Variants in DSCAM observed in about 807,000 individuals in gnomAD.
DSCAM encodes cell adhesion molecule DSCAM.
In DSCAM, 47 loss-of-function variants were observed where a neutral mutation model predicts 217.7. That is an observed-to-expected ratio of 0.22 (90% CI 0.17 to 0.28). The LOEUF (loss-of-function observed/expected upper bound fraction) is 0.28. Ranked by LOEUF, DSCAM falls within the 10% of genes least tolerant of loss-of-function variation. The pLI is 1.00. For synonymous variants in DSCAM, 1,056 were observed against 1,015.3 expected (o/e 1.04, Z -0.76); for missense variants, 2,080 against 2,618.3 (o/e 0.79, Z 4.49).
At chr21:40,310,576 T>C (rs1297621654) in intron 9 of DSCAM, among the ~76,000 whole-genome samples, 2 of 152,250 alleles carry the variant, frequency 1.3e-5, no homozygotes, top group Non-Finnish European at 1.5e-5. Flanking sequence ...CTCATCTGAT[T>C]TTGCCTTGGT....
chr21:40,116,215 T>C (rs2089968786), intron 20 of DSCAM, among the ~76,000 whole-genome samples: 1 of 152,088 alleles, frequency 6.6e-6, no homozygotes, highest in Non-Finnish European at 1.5e-5. Context: ...CTAATGGGTA[T>C]TAGGATTAAT....
At chr21:40,356,056 A>C (rs1166375774) in intron 4 of DSCAM, among the ~76,000 whole-genome samples, 1 of 152,150 alleles carries the variant, frequency 6.6e-6, no homozygotes, top group African/African-American at 2.4e-5. Context: ...TCAACACTTA[A>C]GTTTTTTTCA....
chr21:40,224,046 C>A (rs1356987505), intron 11 of DSCAM, among the ~76,000 whole-genome samples: 1 of 152,136 alleles, frequency 6.6e-6, no homozygotes. Context: ...TCAAAATAAC[C>A]CACAGTGTCA....
chr21:40,187,837 C>T, intron 13 of DSCAM, 54 bp downstream of exon 13: 1 of 1,467,422 alleles, frequency 6.8e-7, no homozygotes, highest in Non-Finnish European at 9.5e-7. Flanking sequence ...GCTGAGCATA[C>T]AGCTCCCATC....
chr21:40,563,624 A>G (rs1255214731), intron 3 of DSCAM, among the ~76,000 whole-genome samples: 3 of 146,658 alleles, frequency 2.0e-5, no homozygotes, highest in African/African-American at 2.5e-5. Context: ...ATGTTTATAT[A>G]TAGTTATATG....
At position 40,163,918 on chromosome 21, in the gene DSCAM, C is replaced by T. The variant is rs555733326; in HGVS notation, c.3018+3300G>A. On this transcript the variant is annotated intron_variant, in intron 16 of 32. Coordinates refer to ENST00000400454, the MANE Select transcript of DSCAM (RefSeq NM_001389.5). ...CATCTCCATGGCAGTCTTGGAAACA[C>T]GTAATGCTTCACAGGCAATTGTGAT... Among the ~76,000 whole-genome samples, 10 of 152,282 alleles carry T rather than the reference C, an allele frequency of 6.6e-5. No individual in the cohort carries two copies. In the East Asian group the frequency reaches 1.7e-3, roughly 26 times the overall value.
chr21:40,204,725 T>C (rs530506303), intron 11 of DSCAM, among the ~76,000 whole-genome samples: 1 of 152,326 alleles, frequency 6.6e-6, no homozygotes, highest in African/African-American at 2.4e-5. Flanking sequence ...GGGGGCGAGA[T>C]TCTTCTCATG....
At chr21:40,055,045 G>A (rs900422089) in intron 29 of DSCAM, among the ~76,000 whole-genome samples, 2 of 152,116 alleles carry the variant, frequency 1.3e-5, no homozygotes, top group South Asian at 2.1e-4. Context: ...TAGAATAATC[G>A]AGGCAGGCAG....
At chr21:40,512,193 TAAG>T (rs1280641362) in intron 3 of DSCAM, among the ~76,000 whole-genome samples, 3 of 152,030 alleles carry the variant, frequency 2.0e-5, no homozygotes, top group African/African-American at 4.8e-5. Flanking sequence ...CGATTACACA[TAAG>T]AAGAAATTCC....
intron 3 of DSCAM, among the ~76,000 whole-genome samples, chr21:40,573,680 C>A (rs2076826327): frequency 6.6e-6 from 1 of 151,756 alleles, no homozygotes; most frequent in Non-Finnish European, 1.5e-5. Flanking sequence ...AAAATGAAAA[C>A]ACATAAAAGA....
chr21:40,063,386 T>A (rs937700738), intron 27 of DSCAM, among the ~76,000 whole-genome samples: 4 of 152,086 alleles, frequency 2.6e-5, no homozygotes, highest in Admixed American at 6.5e-5. Context: ...TATTTTGAAT[T>A]CAGAAATTAA....
At chr21:40,592,611 T>A (rs1601772279) in intron 3 of DSCAM, among the ~76,000 whole-genome samples, 1 of 152,132 alleles carries the variant, frequency 6.6e-6, no homozygotes, top group Non-Finnish European at 1.5e-5. Context: ...TCTGTGTGCT[T>A]GCCCATGCTG....
intron 1 of DSCAM, among the ~76,000 whole-genome samples, chr21:40,831,187 C>T (rs2092009365): frequency 6.6e-6 from 1 of 152,244 alleles, no homozygotes. Flanking sequence ...ACAATGGACA[C>T]ACTCCACAGA....
intron 1 of DSCAM, among the ~76,000 whole-genome samples, chr21:40,717,305 T>C (rs1390327580): frequency 6.6e-6 from 1 of 152,238 alleles, no homozygotes. Flanking sequence ...AGCATGCGCT[T>C]AGCCCTGCAG....
At chr21:40,669,754 T>C (rs951743080) in intron 3 of DSCAM, among the ~76,000 whole-genome samples, 9 of 152,074 alleles carry the variant, frequency 5.9e-5, no homozygotes, top group African/African-American at 1.7e-4. Context: ...AATTTCTGTA[T>C]TTTTAGTAGA....
At chr21:40,294,964 C>A (rs2073937610) in intron 10 of DSCAM, among the ~76,000 whole-genome samples, 1 of 152,144 alleles carries the variant, frequency 6.6e-6, no homozygotes, top group African/African-American at 2.4e-5. Flanking sequence ...GTCTAGCAAC[C>A]TTCCCCACTT....
At chr21:40,626,704 C>A (rs1233303805) in intron 3 of DSCAM, among the ~76,000 whole-genome samples, 3 of 152,162 alleles carry the variant, frequency 2.0e-5, no homozygotes, top group Non-Finnish European at 4.4e-5. Context: ...TTCCTGCTTC[C>A]CTAATCTAAA....
At chr21:40,388,241 A>C (rs16999725) in intron 3 of DSCAM, among the ~76,000 whole-genome samples, 11,029 of 152,254 alleles carry the variant, frequency 0.072, 848 homozygotes, top group African/African-American at 0.2. Context: ...AAGGGTGGAG[A>C]AAGAACGAGG....
chr21:40,125,864 C>T (rs1461546555), intron 19 of DSCAM, among the ~76,000 whole-genome samples: 1 of 152,144 alleles, frequency 6.6e-6, no homozygotes, highest in Non-Finnish European at 1.5e-5. Flanking sequence ...GGATTTTAAT[C>T]CTAGTAGACA....
Sources: gnomAD v4.1 joint callset for allele counts (sites outside exome capture counted in the v4.1 genomes callset) on GRCh38, gnomAD v4.1.1 for gene constraint, MANE v1.5 for transcripts, NCBI Gene and HGNC (gene_info 2026-07-23, HGNC 2026-07-21) for gene names.